Variants in DPH7 observed in about 807,000 individuals in gnomAD.
The protein encoded by DPH7 is diphthamide biosynthesis 7.
Under a neutral mutation model 41.7 loss-of-function variants are expected in DPH7, and 44 were observed. The ratio of observed to expected loss-of-function variants is 1.05; its 90% confidence interval spans 0.83 to 1.36. The LOEUF (loss-of-function observed/expected upper bound fraction) is 1.36. Among genes scored for constraint, DPH7 ranks in the 40% most tolerant of loss-of-function variants. The pLI, the probability that DPH7 is intolerant of heterozygous loss-of-function variation, is 0.00. For synonymous variants in DPH7, 275 were observed against 238.0 expected, an observed-to-expected ratio of 1.16 and a Z score of -1.43; for missense variants, 629 against 577.5, an observed-to-expected ratio of 1.09 and a Z score of -0.91.
intron 2 of DPH7, among the ~76,000 whole-genome samples, chr9:137,577,000 G>C (rs760809504): frequency 9.3e-5 from 14 of 150,102 alleles, no homozygotes; most frequent in Non-Finnish European, 2.1e-4. Context: ...GCTGCAGTGA[G>C]CTATGATCAC....
Position 137,556,683 on chromosome 9 carries a change from C to T in DPH7, c.950-1035G>A, listed in dbSNP as rs575993713. 59 of 373,174 alleles carry T rather than the reference C, an allele frequency of 1.6e-4. No individual in the cohort carries two copies. Among genetic ancestry groups the T allele is most frequent in the Middle Eastern group, 1.8e-3 (2 of 1,086 alleles). 23.1% of individuals were successfully genotyped at this position (373,174 alleles called of 1,614,324 possible). A position where few individuals can be genotyped will look rare whatever the true frequency, so the allele number is the denominator to read the frequency against. The stretch of plus-strand genomic sequence containing the variant: ...CGAGCAGCATGTGTGGGGCGACCCT[C>T]GGGAGGAAGCCCCTGGGGAGGCCGT... On this transcript the variant is annotated intron_variant, in intron 8 of 8. Transcript: ENST00000277540. The surrounding 1 kb of genome is among the most constrained non-coding windows in gnomAD (Gnocchi z 5.2).
At chr9:137,559,132 T>C (rs1293867810) in intron 8 of DPH7, among the ~76,000 whole-genome samples, 1 of 152,242 alleles carries the variant, frequency 6.6e-6, no homozygotes, top group Non-Finnish European at 1.5e-5. Context: ...TTGGTAGTAA[T>C]TACTCTTTAT....
intron 8 of DPH7, among the ~76,000 whole-genome samples, 180 bp from the exon 9 acceptor site, chr9:137,555,828 C>T (rs548076371): frequency 1.1e-4 from 17 of 152,176 alleles, no homozygotes; most frequent in Non-Finnish European, 2.5e-4. Flanking sequence ...GGAGAAGAAA[C>T]AGACCGTCAT....
chr9:137,577,425 T>A, intron 2 of DPH7, 45 bp downstream of exon 2: 8 of 1,591,716 alleles, frequency 5.0e-6, no homozygotes, highest in Non-Finnish European at 6.9e-6. Flanking sequence ...CCCTGATTGC[T>A]ACTCATGACA....
Position 137,555,269 on chromosome 9 carries a change from C to G in DPH7, c.1329G>C (p.Ala443=), listed in dbSNP as rs142239210. 2.5e-6 allele frequency: 4 copies of G among 1,610,214 alleles called. No homozygotes were observed. Among genetic ancestry groups the G allele is most frequent in the Non-Finnish European group, 3.4e-6 (4 of 1,177,746 alleles). Residue 443 remains alanine, a synonymous_variant, in exon 9 of 9, where the codon GCG becomes GCC. Transcript: ENST00000277540. ...TCCCCTCCCACTCCCAGAGGTGGAG[C>G]GCATGGTCATAGAAGGAGCAGGTGG... ...LLATCSFYDH[A]LHLWEWEGN
At chr9:137,573,360 C>CAAA (rs34523698) in intron 5 of DPH7, among the ~76,000 whole-genome samples, 23 of 40,268 alleles carry the variant, frequency 5.7e-4, no homozygotes, top group East Asian at 7.0e-4. Context: ...GACTCCATCT[C>CAAA]AAAAAAAAAA....
chr9:137,554,474 T>C lies in DPH7; in HGVS notation c.*765A>G, dbSNP rs1837137068. 6.6e-6 allele frequency among the ~76,000 whole-genome samples: 1 copy of C among 152,194 alleles called. No individual in the cohort carries two copies. The highest frequency in any genetic ancestry group is 2.1e-4 in the South Asian group (1 of 4,818). ...GTTTATACAATTTTTTATTATTTAA[T>C]TTTTAGAGATAAGAGTCTTGCTCTG... On this transcript the variant is annotated 3_prime_UTR_variant, in exon 9 of 9. Coordinates refer to ENST00000277540, the MANE Select transcript of DPH7 (RefSeq NM_138778.5).
intron 8 of DPH7, among the ~76,000 whole-genome samples, chr9:137,562,626 T>C (rs1838820863): frequency 6.6e-6 from 1 of 152,138 alleles, no homozygotes; most frequent in South Asian, 2.1e-4. Context: ...AGATGAGAAA[T>C]ATTATGGCTG....
chr9:137,573,808 C>T (rs1163819970), intron 5 of DPH7, among the ~76,000 whole-genome samples: 2 of 151,926 alleles, frequency 1.3e-5, no homozygotes, highest in East Asian at 3.9e-4. Context: ...TGGCTCACAC[C>T]TGTAATCCCA....
intron 5 of DPH7, among the ~76,000 whole-genome samples, chr9:137,570,438 C>T (rs879516437): frequency 1.3e-5 from 2 of 152,198 alleles, no homozygotes; most frequent in South Asian, 4.1e-4. Flanking sequence ...AACCACTGGT[C>T]CTCACCTCCA....
At chr9:137,561,870 C>A (rs1479594608) in intron 8 of DPH7, among the ~76,000 whole-genome samples, 2 of 152,028 alleles carry the variant, frequency 1.3e-5, no homozygotes, top group Non-Finnish European at 2.9e-5. Context: ...AGCCCACTTT[C>A]TTTTATTTTT....
At chr9:137,575,710 T>G in intron 3 of DPH7, 1 of 1,060,154 alleles carries the variant, frequency 9.4e-7, no homozygotes, top group Non-Finnish European at 1.1e-6. Flanking sequence ...AGGACTCACG[T>G]GCTTTTCCAA....
intron 2 of DPH7, 65 bp downstream of exon 2, chr9:137,577,405 C>A: frequency 5.4e-6 from 8 of 1,493,348 alleles, no homozygotes; most frequent in Non-Finnish European, 6.5e-6. Context: ...AGGCATCAGG[C>A]ATCAGGCTTC....
intron 3 of DPH7, chr9:137,575,556 C>G: frequency 1.0e-6 from 1 of 994,386 alleles, no homozygotes; most frequent in South Asian, 4.5e-5. Flanking sequence ...GCAGCATCTG[C>G]ATCGGAGTGA....
In DPH7 at chr9:137,577,531, A is replaced by G; in HGVS notation, c.226T>C (p.Ser76Pro). The G allele has an allele frequency of 6.2e-7, 1 of 1,614,046 alleles. No homozygotes were observed. Among genetic ancestry groups the G allele is most frequent in the Non-Finnish European group, 8.5e-7 (1 of 1,179,976 alleles). ...LFLYSFNDNN[S>P]IHPLVEVQRK... ...TGGACCTCGACCAGAGGGTGAATAG[A>G]GTTGTTGTCATTGAAACTGTACAGG... The change falls in exon 2 of 9, where the codon TCT (serine) becomes CCT (proline). Residue 76 changes from serine (S) to proline (P), a missense_variant. Coordinates refer to ENST00000277540, the MANE Select transcript of DPH7 (RefSeq NM_138778.5).
intron 8 of DPH7, among the ~76,000 whole-genome samples, chr9:137,561,933 C>T (rs948856418): frequency 6.6e-6 from 1 of 152,122 alleles, no homozygotes; most frequent in Non-Finnish European, 1.5e-5. Context: ...GGCGCGATCT[C>T]GGCTCACTGC....
Position 137,558,859 on chromosome 9 carries a change from C to G in DPH7, c.950-3211G>C, listed in dbSNP as rs930782751. On this transcript the variant is annotated intron_variant, in intron 8 of 8. Transcript: ENST00000277540. ...AACCGATTCTCCTGACTCAGCCTCC[C>G]AAGTAGCTGGGACTACAGGCGCCCG... 4.6e-5 allele frequency among the ~76,000 whole-genome samples: 7 copies of G among 152,246 alleles called. No individual in the cohort carries two copies. In the South Asian group the frequency reaches 1.5e-3, roughly 32 times the overall value.
At chr9:137,576,890 A>C (rs551895756) in intron 2 of DPH7, among the ~76,000 whole-genome samples, 1 of 142,410 alleles carries the variant, frequency 7.0e-6, no homozygotes, top group Non-Finnish European at 1.5e-5. Context: ...ACTCCGTCTC[A>C]AAAAAAAAAA....
In DPH7 at chr9:137,555,607, G is replaced by A. The variant is rs1837364881; in HGVS notation, c.991C>T (p.Pro331Ser). The change falls in exon 9 of 9, where the codon CCC becomes TCC. Residue 331 changes from proline to serine, a missense_variant. Physicochemically the swap from Pro to Ser is moderately conservative, Grantham distance 74 (BLOSUM62 -1). Transcript: ENST00000277540. The part of the protein sequence containing the change: ...EATVLTSHTL[P>S]DSLVYGADWS... ...TCGGCTCCATACACCAGCGAGTCGG[G>A]CAATGTGTGAGATGTCAGGACCGTC... The A allele has an allele frequency of 4.3e-6, 7 of 1,611,790 alleles. No individual in the cohort carries two copies. The Admixed American group carries it at 5.0e-5, about 12-fold the overall frequency.
Sources: gnomAD v4.1 joint callset for allele counts (sites outside exome capture counted in the v4.1 genomes callset) on GRCh38, gnomAD v4.1.1 for gene constraint, Gnocchi (gnomAD v3.1) non-coding constraint, MANE v1.5 for transcripts, NCBI Gene and HGNC (gene_info 2026-07-23, HGNC 2026-07-21) for gene names.